The following FKTN variants were observed in gnomAD, a reference collection of about 807,000 sequenced individuals.
The protein encoded by FKTN is fukutin.
In FKTN, 47 loss-of-function variants were observed where a neutral mutation model predicts 58.6. That is an observed-to-expected ratio of 0.80 (90% CI 0.63 to 1.02). The LOEUF (loss-of-function observed/expected upper bound fraction) is 1.02, where lower values mean the gene tolerates loss of function less well. FKTN is among the 50% of genes least tolerant of loss of function. The pLI is 0.00. For synonymous variants in FKTN, 178 were observed against 191.9 expected (o/e 0.93, Z 0.60); for missense variants, 516 against 537.3 (o/e 0.96, Z 0.39).
In FKTN at chr9:105,567,347, G is replaced by T. The variant is rs1839850134; in HGVS notation, c.-180-6308G>T. ...AAAAGATATTTAGTTAGGAAAAGAGGAAGTCAAATTGTCCCTGTTTGCAGA... is the reference window on the plus strand; with the variant it reads ...AAAAGATATTTAGTTAGGAAAAGAGTAAGTCAAATTGTCCCTGTTTGCAGA... On this transcript the variant is annotated intron_variant, in intron 1 of 10. Coordinates refer to ENST00000357998, the MANE Select transcript of FKTN (RefSeq NM_001079802.2). Among the ~76,000 whole-genome samples, 3 of 152,162 alleles carry T rather than the reference G, an allele frequency of 2.0e-5. No homozygotes were observed. In the South Asian group the frequency reaches 6.2e-4, roughly 32 times the overall value.
In FKTN at chr9:105,635,938, TG is replaced by T. The variant is rs763995960; in HGVS notation, c.*675del. On this transcript the variant is annotated 3_prime_UTR_variant, in exon 11 of 11. Transcript: ENST00000357998. ...ACATGTACTGTTTTCATATGTGAAG[TG>T]AGAAGAAACTTTATGCTTGTTTAAT... The T allele has an allele frequency of 5.1e-6, 5 of 986,422 alleles. No individual in the cohort carries two copies. The highest frequency in any genetic ancestry group is 6.0e-6 in the Non-Finnish European group (5 of 830,596). 61.1% of individuals were successfully genotyped at this position (986,422 alleles called of 1,614,324 possible). A position where few individuals can be genotyped will look rare whatever the true frequency, so the allele number is the denominator to read the frequency against.
chr9:105,608,783 C>A (rs901877621), intron 7 of FKTN, among the ~76,000 whole-genome samples: 3 of 152,222 alleles, frequency 2.0e-5, no homozygotes, highest in African/African-American at 7.2e-5. Flanking sequence ...GCCTTCGTAG[C>A]CCTATTTCCT....
intron 10 of FKTN, among the ~76,000 whole-genome samples, chr9:105,629,368 C>CT (rs1342535368): frequency 6.6e-6 from 1 of 152,166 alleles, no homozygotes; most frequent in African/African-American, 2.4e-5. Flanking sequence ...CAATGATAAA[C>CT]TTTGAGACTT....
intron 3 of FKTN, among the ~76,000 whole-genome samples, chr9:105,584,535 A>G (rs1473473858): frequency 6.6e-6 from 1 of 152,160 alleles, no homozygotes; most frequent in Non-Finnish European, 1.5e-5. Context: ...ATTGAAATAT[A>G]TGGAGTGGGT....
rs776335124 is a variant in FKTN at position 105,640,086 on chromosome 9, T to A, written c.*4822T>A. 6.5e-7 allele frequency: 1 copy of A among 1,535,258 alleles called. No homozygotes were observed. Among genetic ancestry groups the A allele is most frequent in the Non-Finnish European group, 8.7e-7 (1 of 1,146,528 alleles). ...CTACTTTCTGCCCTCAAATTTCTGT[T>A]TCTATCTCAACTAGGCAAGAATCAG... On this transcript the variant is annotated 3_prime_UTR_variant, in exon 11 of 11. Coordinates refer to ENST00000357998, the MANE Select transcript of FKTN (RefSeq NM_001079802.2).
chr9:105,637,358 A>G lies in FKTN; in HGVS notation c.*2094A>G. 3 of 985,354 alleles carry G rather than the reference A, an allele frequency of 3.0e-6. No individual in the cohort carries two copies. The highest frequency in any genetic ancestry group is 3.6e-6 in the Non-Finnish European group (3 of 829,922). The allele number at this position is 985,354 out of a possible 1,614,324, so 61.0% of individuals were successfully genotyped here. On this transcript the variant is annotated 3_prime_UTR_variant, in exon 11 of 11. Transcript: ENST00000357998. ...CAAGACATCTTGGCCCAATTGACAC[A>G]GGTTCTATATTCTTCCCTACATAGA...
At chr9:105,575,567 A>G (rs1046283408) in intron 3 of FKTN, among the ~76,000 whole-genome samples, 1 of 152,194 alleles carries the variant, frequency 6.6e-6, no homozygotes, top group Non-Finnish European at 1.5e-5. Context: ...TGTGGAAATC[A>G]ATAGCTTCTG....
Position 105,638,287 on chromosome 9 carries a change from C to G in FKTN, c.*3023C>G. The G allele has an allele frequency of 1.0e-6, 1 of 985,314 alleles. No individual in the cohort carries two copies. Among genetic ancestry groups the G allele is most frequent in the Non-Finnish European group, 1.2e-6 (1 of 829,906 alleles). 61.0% of individuals were successfully genotyped at this position (985,314 alleles called of 1,614,324 possible). Reference sequence around the variant, plus strand: ...AGGCTAAGTCTCAGGGTGTTTCTGCCGCTTAGTATCTTTTTGTTCAGATTG... The same window carrying G: ...AGGCTAAGTCTCAGGGTGTTTCTGCGGCTTAGTATCTTTTTGTTCAGATTG... On this transcript the variant is annotated 3_prime_UTR_variant, in exon 11 of 11. Coordinates refer to ENST00000357998, the MANE Select transcript of FKTN (RefSeq NM_001079802.2).
intron 1 of FKTN, among the ~76,000 whole-genome samples, chr9:105,559,499 A>G (rs540122117): frequency 3.9e-5 from 6 of 152,158 alleles, no homozygotes; most frequent in Non-Finnish European, 5.9e-5. Flanking sequence ...CCTGGCCAAC[A>G]TGGTGAAACC....
At chr9:105,629,093 C>T (rs1255407073) in intron 10 of FKTN, among the ~76,000 whole-genome samples, 1 of 152,162 alleles carries the variant, frequency 6.6e-6, no homozygotes, top group Admixed American at 6.5e-5. Context: ...AAGTTTAAGA[C>T]TGGGCACAGT....
At chr9:105,615,514 G>A in intron 8 of FKTN, 107 bp downstream of exon 8, 1 of 1,058,312 alleles carries the variant, frequency 9.4e-7, no homozygotes, top group Non-Finnish European at 1.5e-6. Flanking sequence ...AGTGTCATGT[G>A]TATAGACAGA....
chr9:105,599,532 C>T (rs1315418110), intron 4 of FKTN, among the ~76,000 whole-genome samples: 4 of 147,896 alleles, frequency 2.7e-5, no homozygotes, highest in Non-Finnish European at 4.5e-5. Flanking sequence ...GGAGTGCAGC[C>T]ATGTGATCTC....
chr9:105,567,568 G>A (rs1001857201), intron 1 of FKTN, among the ~76,000 whole-genome samples: 2 of 152,126 alleles, frequency 1.3e-5, no homozygotes, highest in African/African-American at 4.8e-5. Flanking sequence ...AAAATACCTA[G>A]GAATCCAACT....
Position 105,604,310 on chromosome 9 carries a change from A to C in FKTN, c.465A>C (p.Gly155=). The C allele has an allele frequency of 6.2e-7, 1 of 1,613,960 alleles. No homozygotes were observed. Among genetic ancestry groups the C allele is most frequent in the Non-Finnish European group, 8.5e-7 (1 of 1,179,954 alleles). Residue 155 remains glycine (G), a synonymous_variant, in exon 6 of 11, where the codon GGA becomes GGC. Transcript: ENST00000357998. ...TAGACGGGATAGACTCACTCTCTGG[A>C]ACTGAAATCCCCCTGCACTATATCT... ...PRLDGIDSLS[G]TEIPLHYICK...
rs150774459 is a variant in FKTN at position 105,610,075 on chromosome 9, A to G, written c.780+2124A>G. 6.1e-3 allele frequency among the ~76,000 whole-genome samples: 930 copies of G among 151,244 alleles called. 29 individuals are homozygous for G. Among genetic ancestry groups the G allele is most frequent in the Admixed American group, 0.054 (832 of 15,270 alleles). On this transcript the variant is annotated intron_variant, in intron 7 of 10. Transcript: ENST00000357998. The stretch of plus-strand genomic sequence containing the variant: ...TCAGATTGTTCCATATTTGGCCAGT[A>G]GAAACTCCTTCATAATGCTTTCTGT...
Position 105,638,236 on chromosome 9 carries a change from C to A in FKTN, c.*2972C>A, listed in dbSNP as rs1038500623. The A allele has an allele frequency of 1.0e-6, 1 of 985,254 alleles. No homozygotes were observed. Among genetic ancestry groups the A allele is most frequent in the African/African-American group, 1.7e-5 (1 of 57,220 alleles). The allele number at this position is 985,254 out of a possible 1,614,324, so 61.0% of individuals were successfully genotyped here. On this transcript the variant is annotated 3_prime_UTR_variant, in exon 11 of 11. Transcript: ENST00000357998. ...CTTTAACAGTGCTTGAGATGCTTAACAGAGAAGGCATCCAGTGCTTCATTG... is the reference window on the plus strand; with the variant it reads ...CTTTAACAGTGCTTGAGATGCTTAAAAGAGAAGGCATCCAGTGCTTCATTG...
At chr9:105,633,387 A>C (rs1397637770) in intron 10 of FKTN, 1 of 152,150 alleles carries the variant, frequency 6.6e-6, no homozygotes, top group Non-Finnish European at 1.5e-5. Context: ...GATAATACTT[A>C]GAGGAGTTTC....
intron 3 of FKTN, among the ~76,000 whole-genome samples, chr9:105,595,111 T>C (rs941720942): frequency 6.6e-6 from 1 of 152,158 alleles, no homozygotes; most frequent in African/African-American, 2.4e-5. Context: ...CATTTTTATG[T>C]AGTGTCCATA....
chr9:105,637,855 A>G lies in FKTN; in HGVS notation c.*2591A>G, dbSNP rs1834148421. 1 of 985,240 alleles carries G rather than the reference A, an allele frequency of 1.0e-6. No homozygotes were observed. Among genetic ancestry groups the G allele is most frequent in the African/African-American group, 1.7e-5 (1 of 57,208 alleles). The allele number at this position is 985,240 out of a possible 1,614,324, so 61.0% of individuals were successfully genotyped here. On this transcript the variant is annotated 3_prime_UTR_variant, in exon 11 of 11. Transcript: ENST00000357998. ...TCTCTCCTCTGCTGCAGCTACTGATATCTGGCCCCTGGAATAAAACCATAG... is the reference window on the plus strand; with the variant it reads ...TCTCTCCTCTGCTGCAGCTACTGATGTCTGGCCCCTGGAATAAAACCATAG...
Sources: gnomAD v4.1 joint callset for allele counts (sites outside exome capture counted in the v4.1 genomes callset) on GRCh38, gnomAD v4.1.1 for gene constraint, MANE v1.5 for transcripts, NCBI Gene and HGNC (gene_info 2026-07-23, HGNC 2026-07-21) for gene names.